FOXN3: variants seen among roughly 807,000 people sequenced by gnomAD.
FOXN3 encodes forkhead box N3.
In FOXN3, 7 loss-of-function variants were observed where a neutral mutation model predicts 38.4. That is an observed-to-expected ratio of 0.18 (90% confidence interval 0.10 to 0.34). The LOEUF (loss-of-function observed/expected upper bound fraction) is 0.34. Among genes scored for constraint, FOXN3 ranks in the 10% least tolerant of loss-of-function variants. FOXN3 has a pLI of 1.00. For missense variants in FOXN3, 456 were observed against 613.4 expected (o/e 0.74, Z 2.71); for synonymous variants, 230 against 242.2 (o/e 0.95, Z 0.47).
At chr14:89,243,511 G>A (rs1394353889) in intron 4 of FOXN3, among the ~76,000 whole-genome samples, 1 of 152,150 alleles carries the variant, frequency 6.6e-6, no homozygotes, top group Non-Finnish European at 1.5e-5. Context: ...GTGACAACCC[G>A]TGACCTCCAC....
intron 1 of FOXN3, among the ~76,000 whole-genome samples, chr14:89,469,030 A>G (rs1893040148): frequency 6.6e-6 from 1 of 152,180 alleles, no homozygotes; most frequent in Admixed American, 6.5e-5. Flanking sequence ...ATTTTGCATC[A>G]TATCTGCTCT....
intron 1 of FOXN3, among the ~76,000 whole-genome samples, chr14:89,585,053 A>C (rs554161725): frequency 6.6e-6 from 1 of 151,998 alleles, no homozygotes; most frequent in Non-Finnish European, 1.5e-5. Context: ...TTATTGGCCA[A>C]TCTCACTTTT....
chr14:89,367,466 A>G (rs1596231731), intron 2 of FOXN3, among the ~76,000 whole-genome samples: 2 of 152,172 alleles, frequency 1.3e-5, no homozygotes, highest in African/African-American at 4.8e-5. Flanking sequence ...CGATTCCTCC[A>G]GCGTTCTTGT....
chr14:89,342,647 T>A (rs115459591), intron 3 of FOXN3, among the ~76,000 whole-genome samples: 152 of 152,334 alleles, frequency 1.0e-3, no homozygotes, highest in African/African-American at 3.6e-3. Context: ...TATTTGGAAG[T>A]GCTACCACTT....
chr14:89,590,518 C>CGGAGAAAGTGG (rs1566710982), intron 1 of FOXN3, among the ~76,000 whole-genome samples: 1 of 152,098 alleles, frequency 6.6e-6, no homozygotes, highest in Non-Finnish European at 1.5e-5. Flanking sequence ...GCATCAGATA[C>CGGAGAAAGTGG]GGAGAAAGTG....
intron 1 of FOXN3, among the ~76,000 whole-genome samples, chr14:89,463,784 C>CTCTTTTTT (rs955571584): frequency 7.2e-6 from 1 of 138,674 alleles, no homozygotes; most frequent in African/African-American, 2.7e-5. Flanking sequence ...GTCTCTCTCT[C>CTCTTTTTT]TTTTTTTTTT....
At chr14:89,497,750 T>G (rs898468122) in intron 1 of FOXN3, among the ~76,000 whole-genome samples, 3 of 152,272 alleles carry the variant, frequency 2.0e-5, no homozygotes, top group African/African-American at 7.2e-5. Context: ...ATTTTGGGAA[T>G]ATACCAGAAG....
chr14:89,322,102 C>T (rs745589364), intron 3 of FOXN3, among the ~76,000 whole-genome samples: 8 of 152,236 alleles, frequency 5.3e-5, no homozygotes, highest in East Asian at 1.9e-4. Context: ...AAGTTCCTCC[C>T]GGCTTGCTGC....
chr14:89,179,523 G>A (rs971552506), intron 5 of FOXN3, among the ~76,000 whole-genome samples: 4 of 152,226 alleles, frequency 2.6e-5, no homozygotes, highest in African/African-American at 9.6e-5. Context: ...ATGCAGCTCA[G>A]TGAGACAGGC....
At chr14:89,205,055 T>C (rs1327153438) in intron 4 of FOXN3, among the ~76,000 whole-genome samples, 2 of 144,976 alleles carry the variant, frequency 1.4e-5, no homozygotes, top group South Asian at 2.1e-4. Flanking sequence ...CAGAATTTTC[T>C]AGAATGGTTA....
intron 5 of FOXN3, among the ~76,000 whole-genome samples, chr14:89,166,789 G>T (rs553159050): frequency 7.2e-5 from 11 of 152,348 alleles, no homozygotes; most frequent in African/African-American, 2.4e-4. Flanking sequence ...TCAGCAGGAA[G>T]TGAAAAGCTC....
At chr14:89,168,999 G>A (rs1018177461) in intron 5 of FOXN3, among the ~76,000 whole-genome samples, 1 of 152,168 alleles carries the variant, frequency 6.6e-6, no homozygotes. Flanking sequence ...ACTTCTAAGG[G>A]TAAGGGCAAA....
rs151104831 is a variant in FOXN3, at chr14:89,567,587, T to A, written c.-15+51441A>T. On this transcript the variant is annotated intron_variant, in intron 1 of 6. Transcript: ENST00000345097. ...ACAAAGTGGCACTAAGGGAAGACTGTACTAGGTACAAAGTGGTACCAAGGG... is the reference window on the plus strand; with the variant it reads ...ACAAAGTGGCACTAAGGGAAGACTGAACTAGGTACAAAGTGGTACCAAGGG... Among the ~76,000 whole-genome samples, 277 of 150,918 alleles carry A rather than the reference T, an allele frequency of 1.8e-3. 9 individuals are homozygous for A. The highest frequency in any genetic ancestry group is 6.8e-3 in the African/African-American group (273 of 40,402).
At chr14:89,560,433 T>C (rs1895225109) in intron 1 of FOXN3, among the ~76,000 whole-genome samples, 1 of 152,192 alleles carries the variant, frequency 6.6e-6, no homozygotes, top group Non-Finnish European at 1.5e-5. Context: ...CTGTCCTAGA[T>C]ACAAGGATAG....
chr14:89,219,183 T>C (rs1169158854), intron 4 of FOXN3, among the ~76,000 whole-genome samples: 2 of 152,096 alleles, frequency 1.3e-5, no homozygotes, highest in Non-Finnish European at 2.9e-5. Flanking sequence ...GACTGGATCA[T>C]GGGGGTGGAT....
intron 2 of FOXN3, among the ~76,000 whole-genome samples, chr14:89,398,978 T>A (rs1891173742): frequency 6.6e-6 from 1 of 152,200 alleles, no homozygotes; most frequent in African/African-American, 2.4e-5. Flanking sequence ...GAGTAAAACT[T>A]CATCTCAAAT....
At chr14:89,328,539 G>C (rs1888144610) in intron 3 of FOXN3, among the ~76,000 whole-genome samples, 1 of 151,850 alleles carries the variant, frequency 6.6e-6, no homozygotes, top group Non-Finnish European at 1.5e-5. Context: ...CAGCAGCCCT[G>C]GATGAATGGG....
chr14:89,492,427 C>T (rs1239333453), intron 1 of FOXN3, among the ~76,000 whole-genome samples: 1 of 146,422 alleles, frequency 6.8e-6, no homozygotes, highest in Non-Finnish European at 1.5e-5. Flanking sequence ...GAGAATGGAG[C>T]TGCCTTCGGT....
chr14:89,611,599 G>A (rs558731048), intron 1 of FOXN3, among the ~76,000 whole-genome samples: 3 of 152,280 alleles, frequency 2.0e-5, no homozygotes, highest in African/African-American at 7.2e-5. Flanking sequence ...AAGGTCAGGA[G>A]ATCGAGACCA....
Sources: gnomAD v4.1 joint callset for allele counts (sites outside exome capture counted in the v4.1 genomes callset) on GRCh38, gnomAD v4.1.1 for gene constraint, MANE v1.5 for transcripts, NCBI Gene and HGNC (gene_info 2026-07-23, HGNC 2026-07-21) for gene names.